The following SPATS2 variants were observed in gnomAD, a reference collection of about 807,000 sequenced individuals.
SPATS2 encodes spermatogenesis associated serine rich 2, also known as spermatogenesis-associated serine-rich protein 2.
A neutral mutation model predicts 63.7 loss-of-function variants in SPATS2; 38 were observed. The observed-to-expected ratio is 0.60, with a 90% confidence interval of 0.46 to 0.78. The LOEUF (loss-of-function observed/expected upper bound fraction) is 0.78. SPATS2 is among the 30% of genes least tolerant of loss of function. SPATS2 has a pLI of 0.00. For synonymous variants in SPATS2, 207 were observed against 232.9 expected (o/e 0.89, Z 1.01); for missense variants, 588 against 666.2 (o/e 0.88, Z 1.29).
chr12:49,373,512 A>T (rs931780162), intron 2 of SPATS2, among the ~76,000 whole-genome samples: 1 of 152,168 alleles, frequency 6.6e-6, no homozygotes, highest in Non-Finnish European at 1.5e-5. Context: ...GGGGCTGGGC[A>T]TGGTGGGAGG....
intron 2 of SPATS2, among the ~76,000 whole-genome samples, chr12:49,455,822 A>G (rs1281262521): frequency 2.0e-5 from 3 of 152,094 alleles, no homozygotes; most frequent in Non-Finnish European, 2.9e-5. Context: ...CAGTCTTGCT[A>G]TGTTGGCCCA....
At position 49,454,788 on chromosome 12, in the gene SPATS2, G is replaced by A. The variant is rs553281387; in HGVS notation, c.-243-5982G>A. On this transcript the variant is annotated intron_variant, in intron 2 of 13. Transcript: ENST00000552918. ...GCCGTGACTCAGGAGGCTGAGGTGGGAGGATCATCTGAGCCTGGGAGGTGG... is the reference window on the plus strand; with the variant it reads ...GCCGTGACTCAGGAGGCTGAGGTGGAAGGATCATCTGAGCCTGGGAGGTGG... 2.2e-4 allele frequency among the ~76,000 whole-genome samples: 33 copies of A among 151,994 alleles called. 1 individual carries two copies. The highest frequency in any genetic ancestry group is 7.0e-4 in the African/African-American group (29 of 41,458).
At chr12:49,503,715 T>C (rs983584999) in intron 9 of SPATS2, among the ~76,000 whole-genome samples, 4 of 152,018 alleles carry the variant, frequency 2.6e-5, no homozygotes, top group African/African-American at 4.8e-5. Flanking sequence ...TTGATAAGCC[T>C]CTGGTCTCCA....
At chr12:49,507,295 G>C (rs1329918774) in intron 9 of SPATS2, among the ~76,000 whole-genome samples, 1 of 152,144 alleles carries the variant, frequency 6.6e-6, no homozygotes, top group African/African-American at 2.4e-5. Context: ...TCATTATCAA[G>C]CTATGTAAAA....
chr12:49,400,435 A>G (rs1592361150), intron 2 of SPATS2, among the ~76,000 whole-genome samples: 1 of 152,172 alleles, frequency 6.6e-6, no homozygotes, highest in African/African-American at 2.4e-5. Flanking sequence ...TCAGTGAGAT[A>G]ACTGAGAGTA....
At position 49,522,784 on chromosome 12, in the gene SPATS2, C is replaced by T. The variant is rs1299780276; in HGVS notation, c.1042C>T (p.Leu348=). The T allele has an allele frequency of 6.2e-7, 1 of 1,613,822 alleles. No homozygotes were observed. The highest frequency in any genetic ancestry group is 8.5e-7 in the Non-Finnish European group (1 of 1,179,794). The change falls in exon 12 of 14, where the codon CTG becomes TTG. Residue 348 remains leucine, a synonymous_variant. Transcript: ENST00000552918. ...FVSERKYDED[L]GRVARFTCDV... is the part of the protein sequence containing the mutation. ...TAGTGAACGTAAATATGATGAGGAT[C>T]TGGGACGAGTAGCCCGGTTCACCTG...
chr12:49,456,779 T>A (rs1227366074), intron 2 of SPATS2, among the ~76,000 whole-genome samples: 2 of 152,154 alleles, frequency 1.3e-5, no homozygotes, highest in Non-Finnish European at 2.9e-5. Flanking sequence ...TAAAGGGAAA[T>A]TTCCTGTTTA....
At chr12:49,521,881 C>G (rs1279688077) in intron 11 of SPATS2, among the ~76,000 whole-genome samples, 1 of 152,170 alleles carries the variant, frequency 6.6e-6, no homozygotes, top group Non-Finnish European at 1.5e-5. Flanking sequence ...TCTCTCCTTT[C>G]CCTTTCAGTG....
intron 2 of SPATS2, among the ~76,000 whole-genome samples, chr12:49,376,709 ATTTTTTTTTTTTT>A (rs33952223): frequency 1.8e-5 from 1 of 55,770 alleles, no homozygotes; most frequent in Non-Finnish European, 3.0e-5. Context: ...TGTTTTGTTG[ATTTTTTTTTTTTT>A]TTTTTTTTTT....
intron 2 of SPATS2, among the ~76,000 whole-genome samples, chr12:49,408,215 C>G (rs187786890): frequency 1.7e-4 from 26 of 151,146 alleles, no homozygotes; most frequent in African/African-American, 6.1e-4. Context: ...GCCCGCTTTT[C>G]GAAGGCCACA....
chr12:49,418,596 T>G (rs1401049562), intron 2 of SPATS2, among the ~76,000 whole-genome samples: 1 of 151,970 alleles, frequency 6.6e-6, no homozygotes, highest in African/African-American at 2.4e-5. Flanking sequence ...CCACCACACC[T>G]GGACTAATTT....
intron 8 of SPATS2, among the ~76,000 whole-genome samples, chr12:49,497,796 A>C (rs1278646531): frequency 6.6e-6 from 1 of 151,860 alleles, no homozygotes; most frequent in Non-Finnish European, 1.5e-5. Flanking sequence ...AAGTAAGGTC[A>C]TTTTCTCTTA....
chr12:49,501,940 T>G (rs1265215435), intron 9 of SPATS2, among the ~76,000 whole-genome samples: 1 of 152,138 alleles, frequency 6.6e-6, no homozygotes, highest in East Asian at 1.9e-4. Context: ...ATGTTTAAAT[T>G]CTAGCTCCTT....
rs34420984 is a variant in SPATS2, at chr12:49,435,638, CTTTTTTTTTT to C, written c.-243-25115_-243-25106del. Among the ~76,000 whole-genome samples, 56 of 96,058 alleles carry C rather than the reference CTTTTTTTTTT, an allele frequency of 5.8e-4. No individual in the cohort carries two copies. In the East Asian group the frequency reaches 0.013, roughly 23 times the overall value. 63.0% of individuals were successfully genotyped at this position (96,058 alleles called of 152,430 possible). On this transcript the variant is annotated intron_variant, in intron 2 of 13. Transcript: ENST00000552918. ...ACCGTGCCCGGCTACTGAATGGTTT[CTTTTTTTTTT>C]TTTTTTTTTTTTTTTTAATTGATCA...
chr12:49,522,907 T>G (rs879136317), intron 12 of SPATS2, 54 bp downstream of exon 12: 1 of 1,449,702 alleles, frequency 6.9e-7, no homozygotes, highest in Non-Finnish European at 9.6e-7. Context: ...AATTAGAGAC[T>G]GACGTGCTGA....
chr12:49,455,322 G>A (rs530486263), intron 2 of SPATS2, among the ~76,000 whole-genome samples: 11 of 152,196 alleles, frequency 7.2e-5, no homozygotes, highest in South Asian at 6.2e-4. Flanking sequence ...CTATGTGTAC[G>A]CTTATGGTCA....
intron 9 of SPATS2, among the ~76,000 whole-genome samples, chr12:49,505,541 G>C (rs1330509962): frequency 6.6e-6 from 1 of 152,074 alleles, no homozygotes; most frequent in Non-Finnish European, 1.5e-5. Flanking sequence ...AATCCAAACT[G>C]CTCCAATGAG....
chr12:49,526,412 C>T lies in SPATS2; in HGVS notation c.*157C>T, dbSNP rs1465224180. ...TTTTGGTTTCTTGTCTCCTTATTTC[C>T]TCTTTACCATTTTTGGAGGGGAAGC... On this transcript the variant is annotated 3_prime_UTR_variant, in exon 14 of 14. Coordinates refer to ENST00000552918, the MANE Select transcript of SPATS2 (RefSeq NM_023071.4). 7 of 892,494 alleles carry T rather than the reference C, an allele frequency of 7.8e-6. No homozygotes were observed. The highest frequency in any genetic ancestry group is 3.4e-5 in the African/African-American group (2 of 59,216). The allele number at this position is 892,494 out of a possible 1,614,324, so 55.3% of individuals were successfully genotyped here.
chr12:49,499,076 A>T (rs746003859), intron 8 of SPATS2, among the ~76,000 whole-genome samples: 1 of 152,014 alleles, frequency 6.6e-6, no homozygotes, highest in South Asian at 2.1e-4. Flanking sequence ...GTGAGCCACC[A>T]CACCTGGCCC....
Sources: allele counts gnomAD v4.1 joint callset (sites outside exome capture counted in the v4.1 genomes callset), GRCh38; gene constraint gnomAD v4.1.1; transcripts MANE v1.5; gene names NCBI Gene and HGNC (gene_info 2026-07-23, HGNC 2026-07-21).